Variants in CTNND1 observed in about 807,000 individuals in gnomAD.
The protein encoded by CTNND1 is catenin delta 1.
In CTNND1, 16 loss-of-function variants were observed where a neutral mutation model predicts 112.1. The ratio of observed to expected loss-of-function variants is 0.14; its 90% CI spans 0.10 to 0.22. The LOEUF (loss-of-function observed/expected upper bound fraction) is 0.22. Ranked by LOEUF, CTNND1 falls within the 10% of genes least tolerant of loss-of-function variation. CTNND1 has a pLI of 1.00. For synonymous variants in CTNND1, 420 were observed against 446.5 expected, an observed-to-expected ratio of 0.94 and a Z score of 0.75; for missense variants, 1,008 against 1,257.0, an observed-to-expected ratio of 0.80 and a Z score of 3.00.
chr11:57,807,410 A>G (rs1244017313), intron 12 of CTNND1, among the ~76,000 whole-genome samples: 1 of 152,120 alleles, frequency 6.6e-6, no homozygotes, highest in Non-Finnish European at 1.5e-5. Context: ...GTTTGAGACC[A>G]GCCTGGCCAA....
chr11:57,811,608 T>TA, intron 17 of CTNND1, 122 bp downstream of exon 17: 2 of 684,644 alleles, frequency 2.9e-6, no homozygotes, highest in Non-Finnish European at 5.0e-6. Flanking sequence ...GGGGAATAAT[T>TA]TTCCACTCCA....
chr11:57,799,610 A>C (rs181609429), intron 6 of CTNND1, among the ~76,000 whole-genome samples: 22 of 152,348 alleles, frequency 1.4e-4, no homozygotes, highest in Non-Finnish European at 4.4e-5. Flanking sequence ...AGCCTCAAGC[A>C]AGTCATTTGG....
chr11:57,810,688 C>T (rs1031309867), intron 16 of CTNND1, among the ~76,000 whole-genome samples: 5 of 151,910 alleles, frequency 3.3e-5, no homozygotes, highest in Non-Finnish European at 5.9e-5. Flanking sequence ...GGTGTGGTGG[C>T]TCACACCTGT....
chr11:57,773,049 G>A (rs1339831017), intron 1 of CTNND1, among the ~76,000 whole-genome samples: 1 of 152,084 alleles, frequency 6.6e-6, no homozygotes, highest in Non-Finnish European at 1.5e-5. Flanking sequence ...GTATCGTCTT[G>A]CATGGGAAAT....
intron 9 of CTNND1, among the ~76,000 whole-genome samples, chr11:57,805,044 G>A (rs1035785807): frequency 1.3e-5 from 2 of 151,924 alleles, no homozygotes; most frequent in Non-Finnish European, 2.9e-5. Context: ...GATTACAGGC[G>A]TGTGCCACCA....
At chr11:57,770,037 T>G (rs1952156878) in intron 1 of CTNND1, among the ~76,000 whole-genome samples, 1 of 152,054 alleles carries the variant, frequency 6.6e-6, no homozygotes, top group African/African-American at 2.4e-5. Flanking sequence ...AGTGAAAAGA[T>G]TTTTGTGGCT....
intron 17 of CTNND1, among the ~76,000 whole-genome samples, chr11:57,812,410 C>G (rs552396423): frequency 6.6e-6 from 1 of 152,092 alleles, no homozygotes; most frequent in Non-Finnish European, 1.5e-5. Flanking sequence ...TTCCCAGCTA[C>G]TCAGGAGGCT....
At chr11:57,773,327 C>T (rs1953214142) in intron 1 of CTNND1, among the ~76,000 whole-genome samples, 1 of 151,988 alleles carries the variant, frequency 6.6e-6, no homozygotes, top group Non-Finnish European at 1.5e-5. Context: ...GAGACATGGT[C>T]TCTATATGTT....
rs1419146193 is a variant in CTNND1, at chr11:57,774,378, G to GGGATATCCTACAATGTAGCA, written c.-214+12260_-214+12279dup. On this transcript the variant is annotated intron_variant, in intron 1 of 20. Transcript: ENST00000399050. ...TGTTCTCCAATCTGCAGTGTACAGAGGGATATCCTACAATGTAGCAACTCG... is the reference window on the plus strand; with the variant it reads ...TGTTCTCCAATCTGCAGTGTACAGAGGGATATCCTACAATGTAGCAGGATATCCTACAATGTAGCAACTCG... 3.9e-5 allele frequency among the ~76,000 whole-genome samples: 6 copies of GGGATATCCTACAATGTAGCA among 152,226 alleles called. No individual in the cohort carries two copies. The East Asian group carries it at 1.2e-3, about 29-fold the overall frequency.
At chr11:57,783,976 A>G (rs894720902) in intron 1 of CTNND1, among the ~76,000 whole-genome samples, 5 of 151,840 alleles carry the variant, frequency 3.3e-5, no homozygotes, top group East Asian at 3.9e-4. Context: ...CCAGGTGGCA[A>G]TGTAGTGATT....
intron 14 of CTNND1, 33 bp downstream of exon 14, chr11:57,808,573 AT>A (rs756672221): frequency 1.9e-6 from 3 of 1,544,006 alleles, no homozygotes; most frequent in Non-Finnish European, 8.7e-7. Context: ...TTACCTCAAA[AT>A]TTAGTACAGT....
chr11:57,810,363 C>G (rs1215703452), intron 16 of CTNND1, 140 bp downstream of exon 16: 1 of 533,574 alleles, frequency 1.9e-6, no homozygotes, highest in African/African-American at 2.0e-5. Flanking sequence ...GAGTCTCACT[C>G]TGTTGCCCAG....
At chr11:57,794,213 C>A in intron 4 of CTNND1, 132 bp downstream of exon 4, 1 of 760,830 alleles carries the variant, frequency 1.3e-6, no homozygotes, top group Non-Finnish European at 2.2e-6. Flanking sequence ...CTTTTATTTA[C>A]GAAAACAAAG....
At chr11:57,792,086 A>AG (rs1312842099) in intron 3 of CTNND1, among the ~76,000 whole-genome samples, 1 of 152,152 alleles carries the variant, frequency 6.6e-6, no homozygotes, top group Non-Finnish European at 1.5e-5. Context: ...AGTCTCCCTG[A>AG]GGGAACAGTC....
rs5792064 is a variant in CTNND1 at position 57,790,732 on chromosome 11, A to ATT, written c.-94-647_-94-646dup. ...GCCACCACGCCCGGCCTTTTTTTGTATTTTTTTAGTAGAGACAGGGTTTCA... is the reference window on the plus strand; with the variant it reads ...GCCACCACGCCCGGCCTTTTTTTGTATTTTTTTTTAGTAGAGACAGGGTTTCA... On this transcript the variant is annotated intron_variant, in intron 2 of 20. Coordinates refer to ENST00000399050, the MANE Select transcript of CTNND1 (RefSeq NM_001085458.2). Among the ~76,000 whole-genome samples, 4 of 150,558 alleles carry ATT rather than the reference A, an allele frequency of 2.7e-5. No homozygotes were observed. The East Asian group carries it at 7.8e-4, about 30-fold the overall frequency.
chr11:57,792,035 C>T (rs1198484458), intron 3 of CTNND1, among the ~76,000 whole-genome samples: 1 of 151,992 alleles, frequency 6.6e-6, no homozygotes, highest in Non-Finnish European at 1.5e-5. Flanking sequence ...AAGTAAATGC[C>T]CACTTAATGG....
chr11:57,813,711 G>A lies in CTNND1; in HGVS notation c.2639-600G>A, dbSNP rs552023383. Among the ~76,000 whole-genome samples the A allele has an allele frequency of 3.9e-5, 6 of 152,216 alleles. 1 individual carries two copies. The South Asian group carries it at 1.2e-3, about 32-fold the overall frequency. On this transcript the variant is annotated intron_variant, in intron 17 of 20. Transcript: ENST00000399050. Reference sequence around the variant, plus strand: ...TATCTGTGTGAGGCTGGATTTTCTTGATATACATTAACTACAATAACATAT... The same window carrying A: ...TATCTGTGTGAGGCTGGATTTTCTTAATATACATTAACTACAATAACATAT...
chr11:57,794,241 A>G (rs577976135), intron 4 of CTNND1, among the ~76,000 whole-genome samples, 160 bp downstream of exon 4: 1 of 152,306 alleles, frequency 6.6e-6, no homozygotes, highest in African/African-American at 2.4e-5. Context: ...GCTCCAAAGT[A>G]TATATGCAGT....
intron 1 of CTNND1, among the ~76,000 whole-genome samples, chr11:57,783,242 C>G (rs557254624): frequency 1.3e-5 from 2 of 151,592 alleles, no homozygotes; most frequent in Non-Finnish European, 2.9e-5. Context: ...GCCGAGATGA[C>G]GGCATTGCAT....
Sources: allele counts gnomAD v4.1 joint callset (sites outside exome capture counted in the v4.1 genomes callset), GRCh38; gene constraint gnomAD v4.1.1; transcripts MANE v1.5; gene names NCBI Gene and HGNC (gene_info 2026-07-23, HGNC 2026-07-21).